PATJ: variants seen among roughly 807,000 people sequenced by gnomAD.
The protein encoded by PATJ is inaD-like protein.
A neutral mutation model predicts 224.9 loss-of-function variants in PATJ; 190 were observed. That is an observed-to-expected ratio of 0.84 (90% confidence interval 0.75 to 0.95). The LOEUF (loss-of-function observed/expected upper bound fraction) is 0.95. Ranked by LOEUF, PATJ falls within the 40% of genes least tolerant of loss-of-function variation. The pLI, the probability that PATJ is intolerant of heterozygous loss-of-function variation, is 0.00. For missense variants in PATJ, 2,121 were observed against 2,270.3 expected (o/e 0.93, Z 1.34); for synonymous variants, 769 against 820.3 (o/e 0.94, Z 1.07).
At chr1:62,097,141 T>C (rs1351519981) in intron 33 of PATJ, among the ~76,000 whole-genome samples, 1 of 152,144 alleles carries the variant, frequency 6.6e-6, no homozygotes, top group Non-Finnish European at 1.5e-5. Context: ...GTATCATAAA[T>C]CTATGATAGG....
chr1:62,051,900 T>A (rs1653698568), intron 31 of PATJ, among the ~76,000 whole-genome samples: 1 of 152,184 alleles, frequency 6.6e-6, no homozygotes, highest in African/African-American at 2.4e-5. Context: ...TGCATGCATT[T>A]CCTGTTCTTT....
chr1:62,017,855 G>C lies in PATJ; in HGVS notation c.3868-1G>C. ...AGTACATTGTGGTTTTTCCCAAACA[G>C]ATAAACAATCAGATTCTGTATGGAA... On this transcript the variant is annotated splice_acceptor_variant, in intron 28 of 43. Transcript: ENST00000642238. LOFTEE classifies it high-confidence loss of function. 1 of 1,584,250 alleles carries C rather than the reference G, an allele frequency of 6.3e-7. No individual in the cohort carries two copies. The highest frequency in any genetic ancestry group is 8.7e-7 in the Non-Finnish European group (1 of 1,153,710).
intron 11 of PATJ, among the ~76,000 whole-genome samples, chr1:61,799,409 C>T (rs770831332): frequency 6.2e-4 from 95 of 152,232 alleles, no homozygotes; most frequent in Middle Eastern, 6.8e-3. Flanking sequence ...GTTGGCCAGG[C>T]TGGTCTCAAA....
At chr1:62,009,603 T>C (rs969268241) in intron 28 of PATJ, among the ~76,000 whole-genome samples, 41 of 152,274 alleles carry the variant, frequency 2.7e-4, no homozygotes, top group African/African-American at 9.1e-4. Flanking sequence ...GCCACATCGA[T>C]TGTCTCCTTT....
At chr1:61,846,233 C>T (rs1366732683) in intron 17 of PATJ, 1 of 152,154 alleles carries the variant, frequency 6.6e-6, no homozygotes, top group Non-Finnish European at 1.5e-5. Context: ...ACTGTGAAAT[C>T]TGTACTATTG....
At chr1:61,946,588 C>A (rs1399567850) in intron 27 of PATJ, among the ~76,000 whole-genome samples, 1 of 152,080 alleles carries the variant, frequency 6.6e-6, no homozygotes, top group Non-Finnish European at 1.5e-5. Context: ...GCCTACCAAC[C>A]AAACAAAGTC....
chr1:62,163,682 A>G lies in PATJ; in HGVS notation c.*2628A>G, dbSNP rs1183214706. On this transcript the variant is annotated 3_prime_UTR_variant, in exon 44 of 44. Coordinates refer to ENST00000642238, the MANE Select transcript of PATJ (RefSeq NM_001350145.3). The stretch of plus-strand genomic sequence containing the variant: ...CTAATACGTAATTGCCTTTCCAAAA[A>G]GATATTTTTGCCTCAGAACTTACTG... 2.6e-5 allele frequency: 4 copies of G among 152,396 alleles called. No homozygotes were observed. Among genetic ancestry groups the G allele is most frequent in the Admixed American group, 6.6e-5 (1 of 15,256 alleles). 9.4% of individuals were successfully genotyped at this position (152,396 alleles called of 1,614,324 possible).
intron 41 of PATJ, among the ~76,000 whole-genome samples, chr1:62,133,875 T>C (rs1249026014): frequency 6.6e-6 from 1 of 151,638 alleles, no homozygotes; most frequent in African/African-American, 2.4e-5. Flanking sequence ...GCCTCCCCAG[T>C]AGCTGGGACC....
In PATJ at chr1:62,129,043, G is replaced by A. The variant is rs1194082602; in HGVS notation, c.5271+98G>A. ...GCAGTAGACATCGCCACCCAGCAGG[G>A]TGCTTGCTGATGTGAATTACGAAGG... On this transcript the variant is annotated intron_variant, in intron 41 of 43. Transcript: ENST00000642238. 3 of 716,072 alleles carry A rather than the reference G, an allele frequency of 4.2e-6. No individual in the cohort carries two copies. In the African/African-American group the frequency reaches 5.2e-5, roughly 12 times the overall value. The allele number at this position is 716,072 out of a possible 1,614,324, so 44.4% of individuals were successfully genotyped here. A position where few individuals can be genotyped will look rare whatever the true frequency, so the allele number is the denominator to read the frequency against.
chr1:62,070,940 T>C lies in PATJ; in HGVS notation c.4126-8510T>C, dbSNP rs372549440. Among the ~76,000 whole-genome samples the C allele has an allele frequency of 1.2e-4, 18 of 152,266 alleles. No homozygotes were observed. The South Asian group carries it at 2.3e-3, about 19-fold the overall frequency. On this transcript the variant is annotated intron_variant, in intron 31 of 43. Coordinates refer to ENST00000642238, the MANE Select transcript of PATJ (RefSeq NM_001350145.3). ...AGATTGTAACTGAATCTAATAACAA[T>C]GAACAGCTGGGCATAACTTGGTCAC...
chr1:62,065,967 A>G (rs1237070400), intron 31 of PATJ, among the ~76,000 whole-genome samples: 1 of 152,194 alleles, frequency 6.6e-6, no homozygotes, highest in East Asian at 1.9e-4. Flanking sequence ...TGCACACATA[A>G]TAAGAGCCTA....
At chr1:61,843,846 A>T (rs1661505518) in intron 17 of PATJ, among the ~76,000 whole-genome samples, 1 of 152,220 alleles carries the variant, frequency 6.6e-6, no homozygotes, top group Non-Finnish European at 1.5e-5. Flanking sequence ...GAATCTGGGT[A>T]CAGATTTGTT....
intron 42 of PATJ, among the ~76,000 whole-genome samples, chr1:62,149,951 G>A (rs1271738401): frequency 6.6e-6 from 1 of 152,134 alleles, no homozygotes; most frequent in Non-Finnish European, 1.5e-5. Flanking sequence ...CTCTTCCCCT[G>A]AAAACATGTC....
intron 17 of PATJ, among the ~76,000 whole-genome samples, chr1:61,841,131 C>A (rs952948468): frequency 6.6e-6 from 1 of 151,924 alleles, no homozygotes; most frequent in Non-Finnish European, 1.5e-5. Context: ...ATATTAGTGC[C>A]CCAAACTCTA....
At chr1:62,126,585 A>T (rs1665742351) in intron 39 of PATJ, among the ~76,000 whole-genome samples, 1 of 152,222 alleles carries the variant, frequency 6.6e-6, no homozygotes, top group Non-Finnish European at 1.5e-5. Context: ...ACTAGAGCCA[A>T]GTCTCTTCAC....
chr1:62,102,344 G>C lies in PATJ; in HGVS notation c.4378-6093G>C, dbSNP rs60985799. ...ATTCATTTTTGACTCTGTCAGTCTT[G>C]ATCACCTATAAATGATCCTCAGTTC... On this transcript the variant is annotated intron_variant, in intron 33 of 43. Coordinates refer to ENST00000642238, the MANE Select transcript of PATJ (RefSeq NM_001350145.3). Among the ~76,000 whole-genome samples, 21 of 152,236 alleles carry C rather than the reference G, an allele frequency of 1.4e-4. No homozygotes were observed. In the East Asian group the frequency reaches 3.7e-3, roughly 27 times the overall value.
chr1:61,855,815 C>T (rs1663562733), intron 17 of PATJ, among the ~76,000 whole-genome samples: 2 of 152,182 alleles, frequency 1.3e-5, no homozygotes, highest in Non-Finnish European at 2.9e-5. Context: ...CCACCTCAGC[C>T]TCCCAAGAAG....
At chr1:61,814,128 TTC>T (rs1655531560) in intron 14 of PATJ, among the ~76,000 whole-genome samples, 2 of 122,138 alleles carry the variant, frequency 1.6e-5, no homozygotes, top group Admixed American at 9.5e-5. Context: ...CATTATTCTC[TTC>T]TTTTTTTTTT....
At position 61,844,572 on chromosome 1, in the gene PATJ, G is replaced by A. The variant is rs189667199; in HGVS notation, c.2112+10787G>A. Among the ~76,000 whole-genome samples, 101 of 152,018 alleles carry A rather than the reference G, an allele frequency of 6.6e-4. 1 individual carries two copies. The highest frequency in any genetic ancestry group is 2.9e-3 in the South Asian group (14 of 4,804). On this transcript the variant is annotated intron_variant, in intron 17 of 43. Coordinates refer to ENST00000642238, the MANE Select transcript of PATJ (RefSeq NM_001350145.3). Reference sequence around the variant, plus strand: ...CCATATTCACATAAATTTTATTACCGTGTATTGTTATACTTGTTCTTTTTT... The same window carrying A: ...CCATATTCACATAAATTTTATTACCATGTATTGTTATACTTGTTCTTTTTT...
Sources: allele counts gnomAD v4.1 joint callset (sites outside exome capture counted in the v4.1 genomes callset), GRCh38; gene constraint gnomAD v4.1.1; transcripts MANE v1.5; gene names NCBI Gene and HGNC (gene_info 2026-07-23, HGNC 2026-07-21).